Variants in SDR42E2 observed in about 807,000 individuals in gnomAD.
The protein encoded by SDR42E2 is short chain dehydrogenase/reductase family 42E, member 2.
In SDR42E2, 20 loss-of-function variants were observed where a neutral mutation model predicts 10.5. The ratio of observed to expected loss-of-function variants is 1.90; its 90% CI spans 1.34 to 2.77. The LOEUF (loss-of-function observed/expected upper bound fraction) is 2.77, where lower values mean the gene tolerates loss of function less well. Ranked by LOEUF, SDR42E2 falls within the 30% of genes most tolerant of loss-of-function variation. SDR42E2 has a pLI of 0.00. For synonymous variants in SDR42E2, 72 were observed against 39.2 expected (o/e 1.84, Z -3.12); for missense variants, 162 against 104.2 (o/e 1.55, Z -2.42).
chr16:22,169,312 T>G (rs1216854137), intron 4 of SDR42E2, 133 bp from the exon 5 acceptor site: 1 of 656,596 alleles, frequency 1.5e-6, no homozygotes, highest in Admixed American at 2.1e-5. Flanking sequence ...ACACTCCAGG[T>G]GGGCCTTCGG....
At chr16:22,165,861 TGTACCTGGGCCAGGAGCTGGGTCC>T (rs2046531075) in intron 2 of SDR42E2, among the ~76,000 whole-genome samples, 1 of 151,780 alleles carries the variant, frequency 6.6e-6, no homozygotes, top group South Asian at 2.1e-4. Context: ...GAGCTGGGTC[TGTACCTGGGCCAGGAGCTGGGTCC>T]GTACCTGGTC....
chr16:22,167,033 C>A, intron 4 of SDR42E2, 34 bp downstream of exon 4: 3 of 699,182 alleles, frequency 4.3e-6, no homozygotes, highest in Non-Finnish European at 7.8e-6. Flanking sequence ...TGGAGTTAGA[C>A]AGAGTGGGGT....
intron 3 of SDR42E2, 72 bp downstream of exon 3, chr16:22,166,506 T>G (rs753904091): frequency 5.0e-6 from 2 of 402,258 alleles, no homozygotes; most frequent in Middle Eastern, 3.1e-4. Context: ...ATGTGAAACC[T>G]GTGGTGTGGA....
intron 6 of SDR42E2, 82 bp from the exon 7 acceptor site, chr16:22,172,174 G>A (rs1424336540): frequency 1.0e-5 from 7 of 698,298 alleles, no homozygotes; most frequent in East Asian, 2.7e-5. Context: ...CCCAGGGAAG[G>A]TGCAGCCCTG....
chr16:22,178,983 C>G (rs1240977215), intron 8 of SDR42E2, among the ~76,000 whole-genome samples: 1 of 151,964 alleles, frequency 6.6e-6, no homozygotes, highest in East Asian at 1.9e-4. Context: ...CAGAACATTC[C>G]TCTGCTTGGC....
chr16:22,179,577 C>T (rs1370898545), intron 8 of SDR42E2, among the ~76,000 whole-genome samples: 2 of 151,942 alleles, frequency 1.3e-5, no homozygotes, highest in African/African-American at 2.4e-5. Flanking sequence ...TTTGGGAGGC[C>T]GACAGGGATG....
At chr16:22,167,791 A>T (rs1297349206) in intron 4 of SDR42E2, among the ~76,000 whole-genome samples, 1 of 152,212 alleles carries the variant, frequency 6.6e-6, no homozygotes, top group African/African-American at 2.4e-5. Context: ...GAGGTAACTC[A>T]AAGTGTGCAG....
chr16:22,187,749 A>C (rs1408497501), intron 12 of SDR42E2, among the ~76,000 whole-genome samples: 1 of 152,172 alleles, frequency 6.6e-6, no homozygotes, highest in Non-Finnish European at 1.5e-5. Context: ...GGATGTTTTC[A>C]TCACAGATTG....
intron 9 of SDR42E2, 39 bp downstream of exon 9, chr16:22,181,695 G>C (rs1348979456): frequency 2.9e-6 from 2 of 697,620 alleles, no homozygotes; most frequent in Non-Finnish European, 2.6e-6. Flanking sequence ...CTTCCCCACA[G>C]GGCTGCAGGC....
At position 22,190,441 on chromosome 16, in the gene SDR42E2, C is replaced by G. The variant is rs1053566358; in HGVS notation, c.*48C>G. The G allele has an allele frequency of 2.5e-6, 1 of 400,676 alleles. No homozygotes were observed. The highest frequency in any genetic ancestry group is 2.1e-5 in the African/African-American group (1 of 48,606). 24.8% of individuals were successfully genotyped at this position (400,676 alleles called of 1,614,324 possible). On this transcript the variant is annotated 3_prime_UTR_variant, in exon 13 of 13. Transcript: ENST00000602312. ...TAGGGTCGGCCCCGCTGCACCCTCG[C>G]CCACGCCCGGCTCCCTGGGCTTGTA...
At chr16:22,189,885 G>A (rs2046759066) in intron 12 of SDR42E2, among the ~76,000 whole-genome samples, 1 of 152,164 alleles carries the variant, frequency 6.6e-6, no homozygotes, top group African/African-American at 2.4e-5. Flanking sequence ...AGTTAAATAG[G>A]GTGCGAATTC....
At position 22,190,428 on chromosome 16, in the gene SDR42E2, CG is replaced by C. The variant is rs976682563; in HGVS notation, c.*36del. ...GTCCGCCGCCCGCTAGGGTCGGCCC[CG>C]CTGCACCCTCGCCCACGCCCGGCTC... On this transcript the variant is annotated 3_prime_UTR_variant, in exon 13 of 13. Coordinates refer to ENST00000602312, the MANE Select transcript of SDR42E2 (RefSeq NM_001394319.2). The C allele has an allele frequency of 5.7e-5, 23 of 401,516 alleles. No individual in the cohort carries two copies. The highest frequency in any genetic ancestry group is 1.0e-4 in the African/African-American group (5 of 48,628). The allele number at this position is 401,516 out of a possible 1,614,324, so 24.9% of individuals were successfully genotyped here.
chr16:22,185,226 G>C (rs2046728198), intron 11 of SDR42E2, among the ~76,000 whole-genome samples: 1 of 152,156 alleles, frequency 6.6e-6, no homozygotes, highest in Non-Finnish European at 1.5e-5. Flanking sequence ...AGCCTGAGGG[G>C]ATGGTGGCCC....
intron 9 of SDR42E2, 33 bp from the exon 10 acceptor site, chr16:22,182,179 G>C: frequency 2.5e-6 from 1 of 406,660 alleles, no homozygotes; most frequent in Non-Finnish European, 4.3e-6. Context: ...CTGGGGAGAA[G>C]GCTGACCGTC....
chr16:22,167,554 A>C (rs2142060418), intron 4 of SDR42E2, among the ~76,000 whole-genome samples: 1 of 152,236 alleles, frequency 6.6e-6, no homozygotes, highest in East Asian at 1.9e-4. Context: ...CTCTTTCATC[A>C]TCTGGAAAGT....
In SDR42E2 at chr16:22,190,428, C is replaced by A. The variant is rs982351415; in HGVS notation, c.*35C>A. The A allele has an allele frequency of 1.5e-5, 6 of 401,516 alleles. No homozygotes were observed. Among genetic ancestry groups the A allele is most frequent in the East Asian group, 3.6e-5 (1 of 28,114 alleles). 24.9% of individuals were successfully genotyped at this position (401,516 alleles called of 1,614,324 possible). A position where few individuals can be genotyped will look rare whatever the true frequency, so the allele number is the denominator to read the frequency against. On this transcript the variant is annotated 3_prime_UTR_variant, in exon 13 of 13. Coordinates refer to ENST00000602312, the MANE Select transcript of SDR42E2 (RefSeq NM_001394319.2). The stretch of plus-strand genomic sequence containing the variant: ...GTCCGCCGCCCGCTAGGGTCGGCCC[C>A]GCTGCACCCTCGCCCACGCCCGGCT...
chr16:22,178,067 T>C lies in SDR42E2; in HGVS notation c.590-63T>C. 3 of 681,782 alleles carry C rather than the reference T, an allele frequency of 4.4e-6. No individual in the cohort carries two copies. In the Admixed American group the frequency reaches 6.2e-5, roughly 14 times the overall value. The allele number at this position is 681,782 out of a possible 1,614,324, so 42.2% of individuals were successfully genotyped here. ...AGCACCAACAGATGGAGGTGGCCTCTCTCTCCCTCTCCCTGTGGGCTGCTC... is the reference window on the plus strand; with the variant it reads ...AGCACCAACAGATGGAGGTGGCCTCCCTCTCCCTCTCCCTGTGGGCTGCTC... On this transcript the variant is annotated intron_variant, in intron 7 of 12. Transcript: ENST00000602312.
intron 12 of SDR42E2, among the ~76,000 whole-genome samples, chr16:22,189,787 A>G (rs1487844411): frequency 6.6e-6 from 1 of 152,140 alleles, no homozygotes; most frequent in African/African-American, 2.4e-5. Context: ...ATGCCTAAGA[A>G]TGTATCAAGG....
chr16:22,166,605 G>C (rs546235705), intron 3 of SDR42E2, among the ~76,000 whole-genome samples, 171 bp downstream of exon 3: 85 of 152,214 alleles, frequency 5.6e-4, no homozygotes, highest in African/African-American at 2.0e-3. Flanking sequence ...TCACAGAAAG[G>C]GGACAATAGT....
Sources: allele counts gnomAD v4.1 joint callset (sites outside exome capture counted in the v4.1 genomes callset), GRCh38; gene constraint gnomAD v4.1.1; transcripts MANE v1.5; gene names NCBI Gene and HGNC (gene_info 2026-07-23, HGNC 2026-07-21).